GCNT1: variants seen among roughly 807,000 people sequenced by gnomAD.
The protein encoded by GCNT1 is beta-1,3-galactosyl-O-glycosyl-glycoprotein beta-1,6-N-acetylglucosaminyltransferase.
In GCNT1, 16 loss-of-function variants were observed where a neutral mutation model predicts 26.2. The observed-to-expected ratio is 0.61, with a 90% CI of 0.41 to 0.93. GCNT1 has a LOEUF of 0.93. Among genes scored for constraint, GCNT1 ranks in the 40% least tolerant of loss-of-function variants. The pLI is 0.00. For synonymous variants in GCNT1, 183 were observed against 190.8 expected, an observed-to-expected ratio of 0.96 and a Z score of 0.34; for missense variants, 477 against 526.7, an observed-to-expected ratio of 0.91 and a Z score of 0.92.
chr9:76,477,392 G>A (rs1461574371), intron 2 of GCNT1, among the ~76,000 whole-genome samples: 1 of 151,944 alleles, frequency 6.6e-6, no homozygotes, highest in Non-Finnish European at 1.5e-5. Flanking sequence ...TAGGCATGGT[G>A]GTGCGTGCCT....
In GCNT1 at chr9:76,447,151, CAAAAAAAAAAAAAA is replaced by C. The variant is rs532132124; in HGVS notation, c.-290+4852_-290+4865del. Among the ~76,000 whole-genome samples, 18 of 35,992 alleles carry C rather than the reference CAAAAAAAAAAAAAA, an allele frequency of 5.0e-4. 1 individual carries two copies. Among genetic ancestry groups the C allele is most frequent in the Admixed American group, 2.0e-3 (4 of 2,030 alleles). The allele number at this position is 35,992 out of a possible 152,430, so 23.6% of individuals were successfully genotyped here. ...TCCTGGGCAGAGTGAAACCCTGTGTCAAAAAAAAAAAAAAAAAAAAAAAAAAAAAGAACAGATAT... is the reference window on the plus strand; with the variant it reads ...TCCTGGGCAGAGTGAAACCCTGTGTCAAAAAAAAAAAAAAAGAACAGATAT... On this transcript the variant is annotated intron_variant, in intron 1 of 2. Coordinates refer to the GCNT1 transcript ENST00000442371.
intron 2 of GCNT1, among the ~76,000 whole-genome samples, chr9:76,500,483 G>A (rs1214515114): frequency 6.6e-6 from 1 of 152,158 alleles, no homozygotes; most frequent in African/African-American, 2.4e-5. Flanking sequence ...TGATAGAGGT[G>A]TGGAGTGGGG....
chr9:76,494,152 AC>A (rs1824835466), intron 2 of GCNT1, among the ~76,000 whole-genome samples: 3 of 151,970 alleles, frequency 2.0e-5, no homozygotes. Context: ...CAGCAGAAAC[AC>A]TAGTTTTCCT....
intron 1 of GCNT1, among the ~76,000 whole-genome samples, chr9:76,433,759 G>A (rs546431544): frequency 2.5e-4 from 38 of 152,326 alleles, no homozygotes; most frequent in African/African-American, 8.9e-4. Flanking sequence ...TGCTGGCAAG[G>A]TGGTTGAGAA....
In GCNT1 at chr9:76,502,357, A is replaced by G; in HGVS notation, c.-25A>G. Reference sequence around the variant, plus strand: ...GAGCATAGAAGACTGCCCTTCACAAAGGAAATCCCTGATTATTGTTTGAAA... The same window carrying G: ...GAGCATAGAAGACTGCCCTTCACAAGGGAAATCCCTGATTATTGTTTGAAA... On this transcript the variant is annotated 5_prime_UTR_variant, in exon 4 of 4. Coordinates refer to ENST00000376730, the MANE Select transcript of GCNT1 (RefSeq NM_001490.5). The G allele has an allele frequency of 6.4e-7, 1 of 1,564,336 alleles. No individual in the cohort carries two copies. The highest frequency in any genetic ancestry group is 2.2e-5 in the East Asian group (1 of 44,552).
chr9:76,435,902 G>A (rs898314215), intron 1 of GCNT1, among the ~76,000 whole-genome samples: 9 of 150,986 alleles, frequency 6.0e-5, no homozygotes, highest in Admixed American at 1.3e-4. Context: ...CAATCCTGGA[G>A]CACTTCCTTT....
At chr9:76,437,300 G>C (rs1823422660), upstream of GCNT1, among the ~76,000 whole-genome samples, 1 of 152,048 alleles carries the variant, frequency 6.6e-6, no homozygotes, top group South Asian at 2.1e-4. Flanking sequence ...TCGGTACTTA[G>C]ATACAGGTCA....
intron 1 of GCNT1, among the ~76,000 whole-genome samples, chr9:76,422,450 T>G (rs1823207972): frequency 6.6e-6 from 1 of 152,226 alleles, no homozygotes; most frequent in Admixed American, 6.5e-5. Flanking sequence ...TTATTTATAA[T>G]TTTTTGGCTT....
chr9:76,426,120 G>T (rs1051402687), intron 1 of GCNT1, among the ~76,000 whole-genome samples: 1 of 152,160 alleles, frequency 6.6e-6, no homozygotes, highest in Non-Finnish European at 1.5e-5. Flanking sequence ...AAGGAGGTTT[G>T]TTTTGGGAAA....
chr9:76,467,191 C>T (rs539577776), intron 2 of GCNT1, among the ~76,000 whole-genome samples: 10 of 152,260 alleles, frequency 6.6e-5, no homozygotes, highest in Admixed American at 5.2e-4. Context: ...TACAGGCACC[C>T]GCCACCGCGC....
At chr9:76,420,363 C>G (rs1823173016) in intron 1 of GCNT1, among the ~76,000 whole-genome samples, 1 of 152,274 alleles carries the variant, frequency 6.6e-6, no homozygotes, top group South Asian at 2.1e-4. Flanking sequence ...CAGCCTTGAA[C>G]TCCTGGGCCA....
In GCNT1 at chr9:76,504,688, G is replaced by A. The variant is rs1379516213; in HGVS notation, c.*1020G>A. On this transcript the variant is annotated 3_prime_UTR_variant, in exon 4 of 4. Coordinates refer to ENST00000376730, the MANE Select transcript of GCNT1 (RefSeq NM_001490.5). ...CACCATCCCCAAAATTAAGGCTGTC[G>A]CTTATTGAATCCACTTGTGTCCAAC... The A allele has an allele frequency of 1.9e-5, 8 of 413,014 alleles. No homozygotes were observed. The highest frequency in any genetic ancestry group is 1.8e-4 in the East Asian group (5 of 28,098). 25.6% of individuals were successfully genotyped at this position (413,014 alleles called of 1,614,324 possible).
chr9:76,437,601 C>G (rs913338076), upstream of GCNT1, among the ~76,000 whole-genome samples: 1 of 152,172 alleles, frequency 6.6e-6, no homozygotes, highest in African/African-American at 2.4e-5. Context: ...TCTTTAGTCC[C>G]TTACTTTTCT....
upstream of GCNT1, among the ~76,000 whole-genome samples, chr9:76,415,273 T>C (rs189701763): frequency 2.6e-5 from 4 of 152,238 alleles, no homozygotes; most frequent in Non-Finnish European, 5.9e-5. Context: ...CTCAGGCTGG[T>C]CTTGAATTCC....
chr9:76,417,782 T>C (rs1412470949), upstream of GCNT1, among the ~76,000 whole-genome samples: 3 of 152,178 alleles, frequency 2.0e-5, no homozygotes, highest in Admixed American at 6.6e-5. Flanking sequence ...ATTAATTTCT[T>C]CAGTAATTTC....
At chr9:76,417,918 A>G (rs923215635), upstream of GCNT1, among the ~76,000 whole-genome samples, 1 of 152,216 alleles carries the variant, frequency 6.6e-6, no homozygotes, top group Non-Finnish European at 1.5e-5. Flanking sequence ...ATTGTTGATG[A>G]AAAGAGTGAA....
In GCNT1 at chr9:76,503,287, T is replaced by C. The variant is rs1825138548; in HGVS notation, c.906T>C (p.Asn302=). Residue 302 remains asparagine (N), a synonymous_variant, in exon 4 of 4, where the codon AAT becomes AAC. Transcript: ENST00000376730. ...AGTATGTGGGGTATGTACTACAGAA[T>C]GAAAAAATCCAAAAGTTGATGGAGT... is the stretch of plus-strand genomic sequence containing the variant. ...SREYVGYVLQ[N]EKIQKLMEWA... The C allele has an allele frequency of 1.9e-6, 3 of 1,613,978 alleles. No individual in the cohort carries two copies. The Admixed American group carries it at 5.0e-5, about 27-fold the overall frequency.
chr9:76,465,930 G>C (rs933065243), intron 2 of GCNT1, among the ~76,000 whole-genome samples: 2 of 152,172 alleles, frequency 1.3e-5, no homozygotes, highest in Admixed American at 6.5e-5. Flanking sequence ...GAGCGGGTTG[G>C]CACGAGGTGT....
chr9:76,434,646 C>G (rs6560521), intron 1 of GCNT1, among the ~76,000 whole-genome samples: 100,066 of 151,952 alleles, frequency 0.66, 33,527 homozygotes, highest in African/African-American at 0.75. Context: ...CAGAATAACA[C>G]CGATTTTAGG....
Sources: allele counts gnomAD v4.1 joint callset (sites outside exome capture counted in the v4.1 genomes callset), GRCh38; gene constraint gnomAD v4.1.1; transcripts MANE v1.5; gene names NCBI Gene and HGNC (gene_info 2026-07-23, HGNC 2026-07-21).